Variants in KANK1 observed in about 807,000 individuals in gnomAD.
KANK1 encodes KN motif and ankyrin repeat domains 1.
KANK1 carries 109 observed loss-of-function variants against 106.2 expected under a neutral mutation model. The ratio of observed to expected loss-of-function variants is 1.03; its 90% confidence interval spans 0.88 to 1.20. The LOEUF (loss-of-function observed/expected upper bound fraction) is 1.20. Among genes scored for constraint, KANK1 ranks in the 50% most tolerant of loss-of-function variants. The pLI is 0.00. For missense variants in KANK1, 2,399 were observed against 1,710.7 expected, an observed-to-expected ratio of 1.40 and a Z score of -7.10; for synonymous variants, 873 against 652.2, an observed-to-expected ratio of 1.34 and a Z score of -5.16.
At chr9:679,871 C>A (rs919225123) in intron 2 of KANK1, among the ~76,000 whole-genome samples, 2 of 151,984 alleles carry the variant, frequency 1.3e-5, no homozygotes, top group Non-Finnish European at 2.9e-5. Context: ...AAAAATCATT[C>A]CTTTACCTTT....
intron 7 of KANK1, among the ~76,000 whole-genome samples, chr9:737,484 C>G (rs1834102641): frequency 6.6e-6 from 1 of 152,196 alleles, no homozygotes. Flanking sequence ...TGTAGTCATC[C>G]TCATCACCAG....
chr9:504,234 C>G (rs1056248832), upstream of KANK1, among the ~76,000 whole-genome samples: 1 of 152,154 alleles, frequency 6.6e-6, no homozygotes, highest in Admixed American at 6.5e-5. Flanking sequence ...GATTTCTTCT[C>G]CCCTTGCGGG....
chr9:692,847 A>T (rs7867295), intron 2 of KANK1, among the ~76,000 whole-genome samples: 28 of 151,782 alleles, frequency 1.8e-4, no homozygotes. Context: ...AGACCCCATC[A>T]CTACAAGAAA....
At chr9:719,147 T>G (rs1033014838) in intron 3 of KANK1, among the ~76,000 whole-genome samples, 7 of 151,978 alleles carry the variant, frequency 4.6e-5, no homozygotes, top group Admixed American at 6.6e-5. Context: ...ATTATTATTT[T>G]TAGTAGAGAC....
intron 1 of KANK1, among the ~76,000 whole-genome samples, chr9:542,060 G>C (rs962295580): frequency 2.3e-4 from 35 of 151,934 alleles, no homozygotes; most frequent in Admixed American, 2.2e-3. Context: ...CTGCACTCCA[G>C]CCTGGGCGAC....
chr9:728,127 C>T (rs1217831646), intron 3 of KANK1, among the ~76,000 whole-genome samples: 8 of 152,146 alleles, frequency 5.3e-5, no homozygotes, highest in Admixed American at 1.3e-4. Flanking sequence ...ACAGCAGACC[C>T]TAAAAGAAAA....
chr9:645,126 CA>C (rs56391632), intron 1 of KANK1, among the ~76,000 whole-genome samples: 100 of 71,098 alleles, frequency 1.4e-3, no homozygotes, highest in Admixed American at 1.9e-3. Flanking sequence ...TCCATCTCTA[CA>C]AAAAAAAAAA....
At chr9:509,672 A>G (rs1046121911) in intron 1 of KANK1, among the ~76,000 whole-genome samples, 1 of 152,304 alleles carries the variant, frequency 6.6e-6, no homozygotes, top group East Asian at 1.9e-4. Context: ...ATCTTTGTGC[A>G]TATAGTTTTT....
At chr9:631,025 G>C (rs1835602500) in intron 1 of KANK1, among the ~76,000 whole-genome samples, 1 of 152,264 alleles carries the variant, frequency 6.6e-6, no homozygotes, top group East Asian at 1.9e-4. Flanking sequence ...AAGGCCAAGT[G>C]AGGGTATGAC....
chr9:735,676 T>C (rs1833599812), intron 7 of KANK1: 1 of 367,682 alleles, frequency 2.7e-6, no homozygotes, highest in South Asian at 2.1e-5. Flanking sequence ...CTGCCATATA[T>C]TTTAAATCAT....
At chr9:562,305 G>A (rs1050097015) in intron 1 of KANK1, among the ~76,000 whole-genome samples, 4 of 151,870 alleles carry the variant, frequency 2.6e-5, no homozygotes, top group African/African-American at 7.3e-5. Flanking sequence ...ACCCGCCTCG[G>A]CCTCCCAAAG....
At chr9:481,163 A>C (rs2058196916) in intron 3 of KANK1, among the ~76,000 whole-genome samples, 1 of 152,254 alleles carries the variant, frequency 6.6e-6, no homozygotes, top group Non-Finnish European at 1.5e-5. Flanking sequence ...AGTGAAAAAC[A>C]GAATGATTAC....
chr9:595,481 T>C (rs562737344), intron 1 of KANK1, among the ~76,000 whole-genome samples: 9 of 151,990 alleles, frequency 5.9e-5, no homozygotes, highest in Admixed American at 2.6e-4. Context: ...TGCTGCGATA[T>C]AGGGTGTGCT....
chr9:693,431 G>A, intron 2 of KANK1: 3 of 985,390 alleles, frequency 3.0e-6, no homozygotes, highest in Non-Finnish European at 3.6e-6. Context: ...AGAATTAACA[G>A]GCTTACAGCT....
At chr9:497,859 C>A (rs529359852) in intron 3 of KANK1, among the ~76,000 whole-genome samples, 19 of 144,438 alleles carry the variant, frequency 1.3e-4, no homozygotes, top group South Asian at 6.4e-4. Context: ...TATTAACCCC[C>A]CACACACACA....
intron 3 of KANK1, among the ~76,000 whole-genome samples, chr9:722,192 A>G (rs776234268): frequency 1.3e-5 from 2 of 152,222 alleles, no homozygotes; most frequent in Non-Finnish European, 2.9e-5. Context: ...CCAAGACTAA[A>G]CTGCCTTTGT....
chr9:526,419 G>A (rs924298476), intron 1 of KANK1, among the ~76,000 whole-genome samples: 1 of 151,658 alleles, frequency 6.6e-6, no homozygotes, highest in African/African-American at 2.4e-5. Context: ...TTGGCTCTAG[G>A]ACAGATTTTA....
chr9:536,580 G>A (rs1248372504), intron 1 of KANK1, among the ~76,000 whole-genome samples: 3 of 152,150 alleles, frequency 2.0e-5, no homozygotes, highest in Admixed American at 1.3e-4. Context: ...TTTTACGCCT[G>A]ACATTTCTTC....
chr9:730,076 G>C lies in KANK1; in HGVS notation c.2724G>C (p.Lys908Asn). 1.9e-6 allele frequency: 3 copies of C among 1,614,164 alleles called. No individual in the cohort carries two copies. Reference sequence around the variant, plus strand: ...GCAATTATTTGGGATATACCTGTAAGTGTGGGGGCCTTCAGTCAGGAAGTC... The same window carrying C: ...GCAATTATTTGGGATATACCTGTAACTGTGGGGGCCTTCAGTCAGGAAGTC... ...ITGNYLGYTC[K>N]CGGLQSGSPL... Residue 908 changes from lysine to asparagine, a missense_variant, in exon 4 of 12, where the codon AAG (lysine) becomes AAC (asparagine). By Grantham distance (94) the Lys-to-Asn change is moderately conservative. Transcript: ENST00000382297.
Sources: allele counts gnomAD v4.1 joint callset (sites outside exome capture counted in the v4.1 genomes callset), GRCh38; gene constraint gnomAD v4.1.1; transcripts MANE v1.5; gene names NCBI Gene and HGNC (gene_info 2026-07-23, HGNC 2026-07-21).